RGS21: variants seen among roughly 807,000 people sequenced by gnomAD.
RGS21 encodes regulator of G-protein signalling 21.
RGS21 carries 19 observed loss-of-function variants against 18.7 expected under a neutral mutation model. The observed-to-expected ratio is 1.01, with a 90% confidence interval of 0.71 to 1.49. The LOEUF (loss-of-function observed/expected upper bound fraction) is 1.49. Ranked by LOEUF, RGS21 falls within the 40% of genes most tolerant of loss-of-function variation. The probability of loss-of-function intolerance (pLI) is 0.00; values close to 1 mark genes in which losing one functional copy is unlikely to be tolerated. For synonymous variants in RGS21, 56 were observed against 57.8 expected (o/e 0.97, Z 0.14); for missense variants, 194 against 176.8 (o/e 1.10, Z -0.55).
At position 192,344,569 on chromosome 1, in the gene RGS21, T is replaced by C. The variant is rs149695189; in HGVS notation, c.11+1522T>C. On this transcript the variant is annotated intron_variant, in intron 2 of 4. Transcript: ENST00000417209. ...CATTTTAGTGCTATTATAAATATTG[T>C]ATTTCAGTTTATTCATAGATACCAT... 7.9e-4 allele frequency among the ~76,000 whole-genome samples: 120 copies of C among 152,276 alleles called. 1 individual carries two copies. The highest frequency in any genetic ancestry group is 2.8e-3 in the African/African-American group (116 of 41,564).
At chr1:192,332,589 G>C (rs543907565) in intron 1 of RGS21, among the ~76,000 whole-genome samples, 1 of 152,080 alleles carries the variant, frequency 6.6e-6, no homozygotes, top group South Asian at 2.1e-4. Context: ...ATTCATAAAA[G>C]AAACAACAAT....
intron 1 of RGS21, among the ~76,000 whole-genome samples, chr1:192,338,361 A>T (rs1658803015): frequency 6.6e-6 from 1 of 152,166 alleles, no homozygotes; most frequent in African/African-American, 2.4e-5. Context: ...TAGTCCTAAA[A>T]TAAACCACTT....
At chr1:192,349,893 G>A (rs1659011962) in intron 3 of RGS21, among the ~76,000 whole-genome samples, 2 of 152,080 alleles carry the variant, frequency 1.3e-5, no homozygotes, top group African/African-American at 2.4e-5. Context: ...CATATGCCTT[G>A]ATGATACACT....
At chr1:192,340,694 G>T (rs913813246) in intron 1 of RGS21, among the ~76,000 whole-genome samples, 1 of 152,016 alleles carries the variant, frequency 6.6e-6, no homozygotes, top group Non-Finnish European at 1.5e-5. Context: ...AATTTATAAA[G>T]AAAAAGAGGT....
At chr1:192,338,408 T>TA (rs1176432225) in intron 1 of RGS21, among the ~76,000 whole-genome samples, 2 of 152,080 alleles carry the variant, frequency 1.3e-5, no homozygotes, top group South Asian at 2.1e-4. Context: ...AAGACAATTG[T>TA]AAAAAAATAA....
intron 2 of RGS21, among the ~76,000 whole-genome samples, chr1:192,343,896 A>C (rs1445877977): frequency 2.6e-5 from 4 of 152,122 alleles, no homozygotes; most frequent in Admixed American, 6.6e-5. Flanking sequence ...ATTTTTTCAG[A>C]TAGCACATAT....
intron 1 of RGS21, among the ~76,000 whole-genome samples, chr1:192,318,292 G>A (rs6659966): frequency 0.3 from 45,960 of 151,804 alleles, 7,895 homozygotes; most frequent in African/African-American, 0.45. Context: ...CAGCATTCTC[G>A]AAGTAACACT....
chr1:192,323,356 C>T (rs1024651779), intron 1 of RGS21, among the ~76,000 whole-genome samples: 1 of 152,160 alleles, frequency 6.6e-6, no homozygotes, highest in South Asian at 2.1e-4. Context: ...TGGAGTATGG[C>T]CTTTAGAAAG....
intron 1 of RGS21, among the ~76,000 whole-genome samples, chr1:192,318,198 AC>A (rs1205603378): frequency 6.6e-6 from 1 of 152,102 alleles, no homozygotes; most frequent in Non-Finnish European, 1.5e-5. Flanking sequence ...TAGTCATTAA[AC>A]TTAGAAATGT....
At chr1:192,350,120 G>A (rs745530792) in intron 3 of RGS21, among the ~76,000 whole-genome samples, 14 of 152,078 alleles carry the variant, frequency 9.2e-5, no homozygotes, top group Admixed American at 2.0e-4. Context: ...AGCAAGGAAC[G>A]TGAAGTTAAT....
intron 1 of RGS21, among the ~76,000 whole-genome samples, chr1:192,331,350 G>A (rs113753152): frequency 1.3e-5 from 2 of 151,996 alleles, no homozygotes; most frequent in East Asian, 1.9e-4. Flanking sequence ...TCAGGAGATC[G>A]AGACCAACCT....
intron 4 of RGS21, among the ~76,000 whole-genome samples, chr1:192,363,136 G>A (rs1441423835): frequency 6.6e-6 from 1 of 152,144 alleles, no homozygotes; most frequent in Non-Finnish European, 1.5e-5. Context: ...TAGCTTGATG[G>A]GAATACAGGG....
intron 1 of RGS21, among the ~76,000 whole-genome samples, chr1:192,333,968 A>C (rs1658727801): frequency 6.6e-6 from 1 of 152,204 alleles, no homozygotes; most frequent in Non-Finnish European, 1.5e-5. Context: ...GTCAAAATAA[A>C]AAGCTGAAAA....
chr1:192,347,806 T>C (rs1426091765), intron 3 of RGS21, among the ~76,000 whole-genome samples: 3 of 151,736 alleles, frequency 2.0e-5, no homozygotes, highest in East Asian at 3.9e-4. Context: ...ATTACAGACA[T>C]GCACCACCAT....
chr1:192,343,046 A>C lies in RGS21; in HGVS notation c.10A>C (p.Lys4Gln). The C allele has an allele frequency of 6.2e-7, 1 of 1,612,746 alleles. No individual in the cohort carries two copies. Among genetic ancestry groups the C allele is most frequent in the East Asian group, 2.2e-5 (1 of 44,820 alleles). Residue 4 changes from lysine (K) to glutamine (Q), a missense_variant and splice_region_variant, in exon 2 of 5, where the codon AAA becomes CAA. By Grantham distance (53) the Lys-to-Gln change is moderately conservative. Coordinates refer to ENST00000417209, the MANE Select transcript of RGS21 (RefSeq NM_001039152.3). ...GACAGTGGAACGAAAAATGCCAGTGAAGTGAGTTGCCGTTTCCAGCTATTT... is the reference window on the plus strand; with the variant it reads ...GACAGTGGAACGAAAAATGCCAGTGCAGTGAGTTGCCGTTTCCAGCTATTT... The part of the protein sequence containing the change: MPV[K>Q]CCFYRSPTAE...
At chr1:192,360,972 T>G (rs1659180201) in intron 4 of RGS21, among the ~76,000 whole-genome samples, 1 of 152,052 alleles carries the variant, frequency 6.6e-6, no homozygotes, top group Non-Finnish European at 1.5e-5. Flanking sequence ...GCACAGTTCC[T>G]AAGCACCTAC....
At chr1:192,333,722 G>A (rs930213297) in intron 1 of RGS21, among the ~76,000 whole-genome samples, 1 of 151,552 alleles carries the variant, frequency 6.6e-6, no homozygotes, top group Non-Finnish European at 1.5e-5. Context: ...TAACATAAGG[G>A]AGATCTTTGA....
chr1:192,325,862 G>A (rs1658562276), intron 1 of RGS21, among the ~76,000 whole-genome samples: 1 of 151,982 alleles, frequency 6.6e-6, no homozygotes. Context: ...GTCAGATGCA[G>A]TTTGTGAGTT....
At chr1:192,345,058 C>G (rs1658927248) in intron 2 of RGS21, among the ~76,000 whole-genome samples, 1 of 152,070 alleles carries the variant, frequency 6.6e-6, no homozygotes, top group South Asian at 2.1e-4. Context: ...ACTTTGCTTT[C>G]TTTCTCTTAC....
Sources: allele counts gnomAD v4.1 joint callset (sites outside exome capture counted in the v4.1 genomes callset), GRCh38; gene constraint gnomAD v4.1.1; transcripts MANE v1.5; gene names NCBI Gene and HGNC (gene_info 2026-07-23, HGNC 2026-07-21).